CNIH3: variants seen among roughly 807,000 people sequenced by gnomAD.
CNIH3 encodes the protein protein cornichon homolog 3.
In CNIH3, 14 loss-of-function variants were observed where a neutral mutation model predicts 24.1. That is an observed-to-expected ratio of 0.58 (90% confidence interval 0.38 to 0.91). CNIH3 has a LOEUF of 0.91. CNIH3 is among the 40% of genes least tolerant of loss of function. The pLI, the probability that CNIH3 is intolerant of heterozygous loss-of-function variation, is 0.00. For synonymous variants in CNIH3, 68 were observed against 73.8 expected, an observed-to-expected ratio of 0.92 and a Z score of 0.40; for missense variants, 178 against 196.8, an observed-to-expected ratio of 0.90 and a Z score of 0.57.
intron 3 of CNIH3, among the ~76,000 whole-genome samples, chr1:224,597,169 A>G (rs577463967): frequency 1.0e-4 from 13 of 127,932 alleles, no homozygotes; most frequent in Non-Finnish European, 2.2e-4. Flanking sequence ...AAACAAACAA[A>G]CAAACAAAAA....
chr1:224,638,181 G>A (rs1158853420), intron 1 of CNIH3, among the ~76,000 whole-genome samples: 1 of 152,212 alleles, frequency 6.6e-6, no homozygotes, highest in African/African-American at 2.4e-5. Flanking sequence ...TGCACCTTCC[G>A]CTCCAGATTC....
At chr1:224,598,228 T>A (rs1682068080) in intron 3 of CNIH3, among the ~76,000 whole-genome samples, 1 of 152,172 alleles carries the variant, frequency 6.6e-6, no homozygotes, top group Non-Finnish European at 1.5e-5. Context: ...AGTGGAGGAA[T>A]TGACTGCAGA....
chr1:224,507,000 A>G (rs997817015), intron 1 of CNIH3, among the ~76,000 whole-genome samples: 3 of 151,900 alleles, frequency 2.0e-5, no homozygotes, highest in African/African-American at 7.3e-5. Flanking sequence ...AGTAGCTGGG[A>G]CCACAGGTGT....
At chr1:224,581,693 A>G (rs765658583) in intron 4 of CNIH3, among the ~76,000 whole-genome samples, 8 of 152,182 alleles carry the variant, frequency 5.3e-5, no homozygotes, top group Middle Eastern at 3.2e-3. Flanking sequence ...TTATGAGCCC[A>G]TTATTTTGTT....
At chr1:224,598,129 T>C (rs1196034239) in intron 3 of CNIH3, among the ~76,000 whole-genome samples, 1 of 152,198 alleles carries the variant, frequency 6.6e-6, no homozygotes, top group Non-Finnish European at 1.5e-5. Context: ...GTGTAATTCA[T>C]GTGAGGAGGC....
intron 1 of CNIH3, among the ~76,000 whole-genome samples, chr1:224,506,832 A>G (rs1677939474): frequency 6.6e-6 from 1 of 152,138 alleles, no homozygotes; most frequent in Non-Finnish European, 1.5e-5. Context: ...CTACACGTTG[A>G]TGAGAAGTAT....
chr1:224,541,712 C>T, downstream of CNIH3, among the ~76,000 whole-genome samples: 1 of 152,090 alleles, frequency 6.6e-6, no homozygotes, highest in East Asian at 1.9e-4. Context: ...ACTGGCTATT[C>T]TTTTTTAGAG....
At chr1:224,729,038 T>C (rs1572828324) in intron 3 of CNIH3, among the ~76,000 whole-genome samples, 1 of 151,742 alleles carries the variant, frequency 6.6e-6, no homozygotes, top group South Asian at 2.1e-4. Flanking sequence ...TGGGAGGGGG[T>C]CAGAAAACAT....
Position 224,617,219 on chromosome 1 carries a change from G to A in CNIH3, c.45G>A (p.Val15=), listed in dbSNP as rs1314479332. 1 of 1,614,144 alleles carries A rather than the reference G, an allele frequency of 6.2e-7. No homozygotes were observed. The highest frequency in any genetic ancestry group is 8.5e-7 in the Non-Finnish European group (1 of 1,180,002). ...FAAFCYMLSL[V]LCAALIFFAI... is the part of the protein sequence containing the mutation. Reference sequence around the variant, plus strand: ...CGTTCTGCTACATGCTGTCTCTGGTGCTGTGCGCTGCGCTCATCTTCTTCG... The same window carrying A: ...CGTTCTGCTACATGCTGTCTCTGGTACTGTGCGCTGCGCTCATCTTCTTCG... The change falls in exon 1 of 6, where the codon GTG becomes GTA. Residue 15 remains valine (V), a synonymous_variant. Coordinates refer to ENST00000272133, the MANE Select transcript of CNIH3 (RefSeq NM_152495.2).
rs1680240499 is a variant in CNIH3, at chr1:224,558,675, C to T, written n.451-7524C>T. On this transcript the variant is annotated intron_variant and non_coding_transcript_variant, in intron 3 of 5. Coordinates refer to the CNIH3 transcript ENST00000471578. The stretch of plus-strand genomic sequence containing the variant: ...CCCTAGTGGGGAAAAAGTCCCCACC[C>T]CTTGATGGGAGTGGTGACAAAGTCA... Among the ~76,000 whole-genome samples the T allele has an allele frequency of 3.9e-5, 6 of 152,280 alleles. No individual in the cohort carries two copies. The South Asian group carries it at 1.2e-3, about 32-fold the overall frequency.
intron 2 of CNIH3, among the ~76,000 whole-genome samples, chr1:224,682,976 C>G (rs1686475578): frequency 6.6e-6 from 1 of 152,178 alleles, no homozygotes; most frequent in Admixed American, 6.5e-5. Context: ...TTTTGTGGAA[C>G]CCTTTCCATC....
chr1:224,739,301 T>C, intron 5 of CNIH3, 28 bp from the exon 6 acceptor site: 8 of 1,081,032 alleles, frequency 7.4e-6, no homozygotes, highest in Non-Finnish European at 8.8e-6. Context: ...CTCTCTTTTT[T>C]TTTTTTTTTT....
In CNIH3 at chr1:224,616,620, G is replaced by T. The variant is rs113107025; in HGVS notation, c.-555G>T. On this transcript the variant is annotated 5_prime_UTR_variant, in exon 1 of 6. Coordinates refer to ENST00000272133, the MANE Select transcript of CNIH3 (RefSeq NM_152495.2). ...CGGCTACCTAAAGACTCCTTCTCTCGGGAAAGAGCGCTGCCCGGCTCTGGG... is the reference window on the plus strand; with the variant it reads ...CGGCTACCTAAAGACTCCTTCTCTCTGGAAAGAGCGCTGCCCGGCTCTGGG... 2.8e-3 allele frequency: 2,784 copies of T among 987,144 alleles called. 69 individuals carry two copies. In the African/African-American group the frequency reaches 0.045, roughly 16 times the overall value. The allele number at this position is 987,144 out of a possible 1,614,324, so 61.1% of individuals were successfully genotyped here.
Position 224,684,678 on chromosome 1 carries a change from A to G in CNIH3, c.151-118A>G, listed in dbSNP as rs1056720682. The G allele has an allele frequency of 2.2e-5, 19 of 859,784 alleles. No individual in the cohort carries two copies. Among genetic ancestry groups the G allele is most frequent in the Non-Finnish European group, 3.8e-5 (19 of 502,582 alleles). The allele number at this position is 859,784 out of a possible 1,614,324, so 53.3% of individuals were successfully genotyped here. On this transcript the variant is annotated intron_variant, in intron 2 of 5. Transcript: ENST00000272133. The surrounding 1 kb of genome is among the most constrained non-coding windows in gnomAD (Gnocchi z 4.2). ...GTGGGAGCATGCTGGCCATGTGCCC[A>G]GGAGGGGTCTCTGGTGGCTTCTGCC...
chr1:224,704,503 A>G lies in CNIH3; in HGVS notation c.198+19660A>G, dbSNP rs1443359888. Among the ~76,000 whole-genome samples the G allele has an allele frequency of 6.6e-6, 1 of 152,206 alleles. No individual in the cohort carries two copies. The highest frequency in any genetic ancestry group is 1.5e-5 in the Non-Finnish European group (1 of 68,038). Reference sequence around the variant, plus strand: ...GTCAAATATAAGGGGATGTTGGAAGAGCAGCACAATGAACACCCACGTAGC... The same window carrying G: ...GTCAAATATAAGGGGATGTTGGAAGGGCAGCACAATGAACACCCACGTAGC... On this transcript the variant is annotated intron_variant, in intron 3 of 5. Coordinates refer to ENST00000272133, the MANE Select transcript of CNIH3 (RefSeq NM_152495.2). This position sits in a 1 kb window ranked among gnomAD's most constrained non-coding sequence, Gnocchi z 4.2.
intron 1 of CNIH3, among the ~76,000 whole-genome samples, chr1:224,636,983 G>A (rs1464507006): frequency 7.1e-6 from 1 of 141,200 alleles, no homozygotes; most frequent in South Asian, 2.2e-4. Flanking sequence ...ATGGAGTCTC[G>A]CATGGTCACC....
At chr1:224,515,024 C>G (rs1678322874), upstream of CNIH3, among the ~76,000 whole-genome samples, 1 of 152,174 alleles carries the variant, frequency 6.6e-6, no homozygotes, top group South Asian at 2.1e-4. Context: ...ATGGCCATGA[C>G]TAGGAAGGAA....
intron 4 of CNIH3, chr1:224,575,003 C>T: frequency 1.1e-6 from 1 of 874,654 alleles, no homozygotes; most frequent in Non-Finnish European, 2.0e-6. Flanking sequence ...TTGAGTGCCA[C>T]CCGTACCTCA....
intron 1 of CNIH3, among the ~76,000 whole-genome samples, chr1:224,488,950 C>T (rs1183581578): frequency 6.6e-6 from 1 of 152,116 alleles, no homozygotes; most frequent in African/African-American, 2.4e-5. Context: ...TTTCATATAA[C>T]CCTGTCTACT....
Sources: allele counts gnomAD v4.1 joint callset (sites outside exome capture counted in the v4.1 genomes callset), GRCh38; gene constraint gnomAD v4.1.1; non-coding constraint Gnocchi (gnomAD v3.1); transcripts MANE v1.5; gene names NCBI Gene and HGNC (gene_info 2026-07-23, HGNC 2026-07-21).